SEC24A: variants seen among roughly 807,000 people sequenced by gnomAD.
SEC24A encodes the protein protein transport protein Sec24A.
A neutral mutation model predicts 129.4 loss-of-function variants in SEC24A; 93 were observed. The observed-to-expected ratio is 0.72, with a 90% CI of 0.61 to 0.85. The LOEUF is 0.85. SEC24A is among the 40% of genes least tolerant of loss of function. The probability of loss-of-function intolerance (pLI) is 0.00; values close to 1 mark genes in which losing one functional copy is unlikely to be tolerated. For synonymous variants in SEC24A, 460 were observed against 467.3 expected, an observed-to-expected ratio of 0.98 and a Z score of 0.20; for missense variants, 1,264 against 1,307.4, an observed-to-expected ratio of 0.97 and a Z score of 0.51.
chr5:134,721,640 G>C (rs1752630675), intron 21 of SEC24A, among the ~76,000 whole-genome samples: 1 of 151,850 alleles, frequency 6.6e-6, no homozygotes, highest in Admixed American at 6.6e-5. Flanking sequence ...GGGAGGCTGA[G>C]GTGGGAGGAT....
At chr5:134,708,196 A>G (rs1298829413) in intron 17 of SEC24A, among the ~76,000 whole-genome samples, 1 of 152,132 alleles carries the variant, frequency 6.6e-6, no homozygotes, top group African/African-American at 2.4e-5. Context: ...TGGGCTGGGC[A>G]TGGTGGTTTG....
At chr5:134,657,118 G>A (rs1009481715) in intron 1 of SEC24A, among the ~76,000 whole-genome samples, 2 of 151,716 alleles carry the variant, frequency 1.3e-5, no homozygotes, top group South Asian at 2.1e-4. Context: ...TTGGGAGGTC[G>A]AGGCTGCGGT....
rs1230632051 is a variant in SEC24A, at chr5:134,675,087, T to G, written c.1021T>G (p.Leu341Val). 3 of 1,611,990 alleles carry G rather than the reference T, an allele frequency of 1.9e-6. No individual in the cohort carries two copies. Among genetic ancestry groups the G allele is most frequent in the Non-Finnish European group, 2.5e-6 (3 of 1,178,548 alleles). The change falls in exon 6 of 23, where the codon TTA (leucine) becomes GTA (valine). Residue 341 changes from leucine (L) to valine (V), a missense_variant. Leu to Val is a conservative substitution (Grantham distance 32). Coordinates refer to ENST00000398844, the MANE Select transcript of SEC24A (RefSeq NM_021982.3). The stretch of plus-strand genomic sequence containing the variant: ...TCATTTAACCACAAGCATGAGTGGA[T>G]TAAGTCTACAACCAGAGGGTCTAAG... ...ANHLTTSMSG[L>V]SLQPEGLRVV...
chr5:134,662,620 G>T (rs1307247606), intron 2 of SEC24A, among the ~76,000 whole-genome samples: 1 of 152,096 alleles, frequency 6.6e-6, no homozygotes, highest in South Asian at 2.1e-4. Flanking sequence ...CTTGTAAATT[G>T]TTAATGGCTG....
In SEC24A at chr5:134,705,372, C is replaced by G. The variant is rs568475414; in HGVS notation, c.2486C>G (p.Ser829Trp). ...RVHTLCLPVVSTLNDVFLGAD... is the reference protein window; with the variant it reads ...RVHTLCLPVVWTLNDVFLGAD... Reference sequence around the variant, plus strand: ...CATACTTTGTGTTTGCCAGTAGTTTCGACTCTGAATGATGTCTTTCTTGGA... The same window carrying G: ...CATACTTTGTGTTTGCCAGTAGTTTGGACTCTGAATGATGTCTTTCTTGGA... The change falls in exon 17 of 23, where the codon TCG (serine) becomes TGG (tryptophan). Residue 829 changes from serine to tryptophan, a missense_variant. By Grantham distance (177) the Ser-to-Trp change is radical. Coordinates refer to ENST00000398844, the MANE Select transcript of SEC24A (RefSeq NM_021982.3). 6.2e-7 allele frequency: 1 copy of G among 1,613,342 alleles called. No homozygotes were observed. Among genetic ancestry groups the G allele is most frequent in the Non-Finnish European group, 8.5e-7 (1 of 1,179,706 alleles).
chr5:134,661,244 A>C lies in SEC24A; in HGVS notation c.223A>C (p.Asn75His). The C allele has an allele frequency of 6.2e-7, 1 of 1,614,162 alleles. No homozygotes were observed. The highest frequency in any genetic ancestry group is 8.5e-7 in the Non-Finnish European group (1 of 1,180,028). Residue 75 changes from asparagine to histidine, a missense_variant, in exon 2 of 23, where the codon AAC becomes CAC. By Grantham distance (68) the Asn-to-His change is moderately conservative (BLOSUM62 1). Coordinates refer to ENST00000398844, the MANE Select transcript of SEC24A (RefSeq NM_021982.3). ...TTTGAATCCAGTCTCTGGACAGTCT[A>C]ACTATGGTGGTTCTCAGGGATCTGG... ...KTLNPVSGQS[N>H]YGGSQGSGQT... is the part of the protein sequence containing the mutation.
chr5:134,655,376 C>T (rs1750204640), intron 1 of SEC24A, among the ~76,000 whole-genome samples: 1 of 152,096 alleles, frequency 6.6e-6, no homozygotes, highest in African/African-American at 2.4e-5. Context: ...CAAGGCTGGG[C>T]GTGGTGGCTC....
chr5:134,717,953 A>G (rs879167823), intron 19 of SEC24A, 116 bp from the exon 20 acceptor site: 1 of 670,780 alleles, frequency 1.5e-6, no homozygotes, highest in South Asian at 1.9e-5. Context: ...ATTGTGATTT[A>G]CCTAAGCAAG....
intron 16 of SEC24A, among the ~76,000 whole-genome samples, chr5:134,705,070 T>TTATATTTATA (rs1554141295): frequency 4.5e-5 from 6 of 133,334 alleles, no homozygotes; most frequent in African/African-American, 1.7e-4. Context: ...ATATTTATAT[T>TTATATTTATA]TATATATATA....
chr5:134,684,297 C>T (rs1438238264), intron 9 of SEC24A, among the ~76,000 whole-genome samples: 15 of 138,494 alleles, frequency 1.1e-4, no homozygotes, highest in Admixed American at 7.1e-4. Flanking sequence ...AGCGAAACTC[C>T]ATCTCAAAAA....
In SEC24A at chr5:134,673,309, C is replaced by T. The variant is rs539297044; in HGVS notation, c.818-1306C>T. Among the ~76,000 whole-genome samples, 3 of 152,052 alleles carry T rather than the reference C, an allele frequency of 2.0e-5. No homozygotes were observed. In the East Asian group the frequency reaches 5.8e-4, roughly 29 times the overall value. On this transcript the variant is annotated intron_variant, in intron 4 of 22. Transcript: ENST00000398844. The stretch of plus-strand genomic sequence containing the variant: ...GACCTTGTGATCCACCTACCTCGGC[C>T]TCCCAAAGTGCTGGGATTACAGGTA...
chr5:134,663,667 A>T lies in SEC24A; in HGVS notation c.565+2081A>T, dbSNP rs545968198. Among the ~76,000 whole-genome samples, 5 of 152,204 alleles carry T rather than the reference A, an allele frequency of 3.3e-5. No individual in the cohort carries two copies. The South Asian group carries it at 8.3e-4, about 25-fold the overall frequency. ...AGCAAGACCCCATCTCTATTTTTTTAAATAATTTTATTTAAAAATAAATAA... is the reference window on the plus strand; with the variant it reads ...AGCAAGACCCCATCTCTATTTTTTTTAATAATTTTATTTAAAAATAAATAA... On this transcript the variant is annotated intron_variant, in intron 2 of 22. Coordinates refer to ENST00000398844, the MANE Select transcript of SEC24A (RefSeq NM_021982.3).
At chr5:134,701,717 G>A (rs1752014056) in intron 15 of SEC24A, among the ~76,000 whole-genome samples, 1 of 151,880 alleles carries the variant, frequency 6.6e-6, no homozygotes, top group African/African-American at 2.4e-5. Flanking sequence ...CACCATGTCG[G>A]TGAGGCTGGT....
intron 3 of SEC24A, 128 bp from the exon 4 acceptor site, chr5:134,671,681 T>C: frequency 1.7e-6 from 1 of 575,196 alleles, no homozygotes; most frequent in Admixed American, 3.6e-5. Flanking sequence ...TTTATGTTGT[T>C]AATAGGCTGT....
Position 134,686,838 on chromosome 5 carries a change from C to T in SEC24A, c.1540C>T (p.His514Tyr), listed in dbSNP as rs1378999650. The change falls in exon 10 of 23, where the codon CAC (histidine) becomes TAC (tyrosine). Residue 514 changes from histidine (H) to tyrosine (Y), a missense_variant. Coordinates refer to ENST00000398844, the MANE Select transcript of SEC24A (RefSeq NM_021982.3). The part of the protein sequence containing the change: ...PVYLFVFDVS[H>Y]NAVETGYLNS... ...GTATCTCTTTGTATTTGATGTGTCT[C>T]ACAATGCAGTCGAAACTGGATACTT... 8 of 1,610,970 alleles carry T rather than the reference C, an allele frequency of 5.0e-6. No homozygotes were observed. The South Asian group carries it at 5.5e-5, about 11-fold the overall frequency.
chr5:134,721,131 A>G, intron 21 of SEC24A, 41 bp downstream of exon 21: 1 of 1,255,270 alleles, frequency 8.0e-7, no homozygotes, highest in Non-Finnish European at 1.1e-6. Context: ...GGGCATTTCA[A>G]AGTTGGCAAA....
chr5:134,650,870 G>A (rs1388180578), intron 1 of SEC24A, among the ~76,000 whole-genome samples: 1 of 151,848 alleles, frequency 6.6e-6, no homozygotes, highest in African/African-American at 2.4e-5. Flanking sequence ...CTCCTCCCAG[G>A]TTCAAGCAAT....
intron 9 of SEC24A, among the ~76,000 whole-genome samples, chr5:134,684,430 T>G (rs1027362226): frequency 2.6e-5 from 4 of 152,110 alleles, no homozygotes; most frequent in African/African-American, 9.7e-5. Context: ...AACATTTTGT[T>G]GGCCAGGTGC....
intron 2 of SEC24A, among the ~76,000 whole-genome samples, chr5:134,665,348 C>T (rs991103671): frequency 6.7e-5 from 10 of 149,694 alleles, no homozygotes; most frequent in Non-Finnish European, 1.0e-4. Flanking sequence ...CAGCTGCTGC[C>T]GGAGGCTGAG....
Sources: gnomAD v4.1 joint callset for allele counts (sites outside exome capture counted in the v4.1 genomes callset) on GRCh38, gnomAD v4.1.1 for gene constraint, MANE v1.5 for transcripts, NCBI Gene and HGNC (gene_info 2026-07-23, HGNC 2026-07-21) for gene names.